The following PDGFC variants were observed in gnomAD, a reference collection of about 807,000 sequenced individuals.
The protein encoded by PDGFC is platelet-derived growth factor C.
PDGFC carries 12 observed loss-of-function variants against 35.5 expected under a neutral mutation model. That is an observed-to-expected ratio of 0.34 (90% CI 0.22 to 0.55). The LOEUF is 0.55. Among genes scored for constraint, PDGFC ranks in the 20% least tolerant of loss-of-function variants. The probability of loss-of-function intolerance (pLI) is 0.91; values close to 1 mark genes in which losing one functional copy is unlikely to be tolerated. For synonymous variants in PDGFC, 159 were observed against 148.8 expected (o/e 1.07, Z -0.50); for missense variants, 322 against 412.4 (o/e 0.78, Z 1.90).
At chr4:156,853,126 T>C (rs1729494322) in intron 1 of PDGFC, among the ~76,000 whole-genome samples, 1 of 152,258 alleles carries the variant, frequency 6.6e-6, no homozygotes, top group Non-Finnish European at 1.5e-5. Flanking sequence ...AGAAAACTAA[T>C]ACACCTTCTA....
intron 1 of PDGFC, among the ~76,000 whole-genome samples, chr4:156,941,504 T>C (rs1731805105): frequency 6.6e-6 from 1 of 152,150 alleles, no homozygotes; most frequent in South Asian, 2.1e-4. Context: ...AACAAGGTGG[T>C]TTATCATTAG....
intron 4 of PDGFC, 117 bp downstream of exon 4, chr4:156,772,569 A>G: frequency 1.6e-6 from 1 of 624,456 alleles, no homozygotes. Flanking sequence ...AAGAAAATGT[A>G]TTGAATATAT....
At chr4:156,808,374 A>G (rs1731830395) in intron 3 of PDGFC, among the ~76,000 whole-genome samples, 1 of 152,074 alleles carries the variant, frequency 6.6e-6, no homozygotes, top group Non-Finnish European at 1.5e-5. Flanking sequence ...GGCCAGTGGA[A>G]TCTAAAGTGG....
intron 2 of PDGFC, among the ~76,000 whole-genome samples, chr4:156,821,775 C>T (rs1298253100): frequency 6.6e-6 from 1 of 152,058 alleles, no homozygotes. Context: ...GTCTTGAGCT[C>T]CCGGCCTCAA....
intron 2 of PDGFC, among the ~76,000 whole-genome samples, chr4:156,843,011 C>G (rs1019956955): frequency 6.6e-6 from 1 of 152,124 alleles, no homozygotes; most frequent in Non-Finnish European, 1.5e-5. Flanking sequence ...TACAACACAC[C>G]CTCCTCTTCT....
intron 1 of PDGFC, among the ~76,000 whole-genome samples, chr4:156,942,707 ATAT>A (rs1354931752): frequency 5.4e-5 from 8 of 148,342 alleles, no homozygotes; most frequent in African/African-American, 9.8e-5. Flanking sequence ...TATAATTATA[ATAT>A]TATTATATTG....
At chr4:156,934,104 T>C (rs143431079) in intron 1 of PDGFC, among the ~76,000 whole-genome samples, 65 of 152,352 alleles carry the variant, frequency 4.3e-4, no homozygotes, top group African/African-American at 1.4e-3. Flanking sequence ...ATCACCAATA[T>C]ACAGTCATGA....
chr4:156,861,932 G>A (rs1374521028), intron 1 of PDGFC, among the ~76,000 whole-genome samples: 1 of 151,492 alleles, frequency 6.6e-6, no homozygotes, highest in African/African-American at 2.4e-5. Context: ...TCTTGTCCCA[G>A]AAACTACATA....
chr4:156,967,688 T>C (rs1732498274), intron 1 of PDGFC: 1 of 152,174 alleles, frequency 6.6e-6, no homozygotes, highest in Admixed American at 6.5e-5. Flanking sequence ...TGATTCTTTC[T>C]GCTACAACTC....
rs184032493 is a variant in PDGFC at position 156,842,433 on chromosome 4, T to G, written c.314+7788A>C. 2.0e-4 allele frequency among the ~76,000 whole-genome samples: 30 copies of G among 152,142 alleles called. No individual in the cohort carries two copies. The East Asian group carries it at 4.6e-3, about 24-fold the overall frequency. ...AATATATACCTCTAAAGTTTTGTGT[T>G]TGAGAAATAACAAAATATCTCCAAC... On this transcript the variant is annotated intron_variant, in intron 2 of 5. Transcript: ENST00000502773.
chr4:156,873,098 G>A (rs1449117421), intron 1 of PDGFC, among the ~76,000 whole-genome samples: 1 of 151,850 alleles, frequency 6.6e-6, no homozygotes, highest in African/African-American at 2.4e-5. Context: ...ACCACTGCCG[G>A]GACTACAGAG....
chr4:156,786,472 C>G (rs1318570596), intron 3 of PDGFC, among the ~76,000 whole-genome samples: 1 of 152,118 alleles, frequency 6.6e-6, no homozygotes, highest in Non-Finnish European at 1.5e-5. Flanking sequence ...GGAAGATTAT[C>G]CCATGAATAT....
intron 3 of PDGFC, among the ~76,000 whole-genome samples, chr4:156,806,999 C>T (rs1215138011): frequency 6.6e-6 from 1 of 151,098 alleles, no homozygotes; most frequent in Non-Finnish European, 1.5e-5. Context: ...CAATCTCTCA[C>T]TGCTAATCTA....
chr4:156,856,854 A>G (rs1338320186), intron 1 of PDGFC, among the ~76,000 whole-genome samples: 1 of 152,122 alleles, frequency 6.6e-6, no homozygotes, highest in African/African-American at 2.4e-5. Context: ...ATCCGTAATA[A>G]CCTACAAACA....
At chr4:156,894,591 T>C (rs1730587034) in intron 1 of PDGFC, among the ~76,000 whole-genome samples, 1 of 152,324 alleles carries the variant, frequency 6.6e-6, no homozygotes, top group Non-Finnish European at 1.5e-5. Context: ...TCAAAAATTA[T>C]GTATTCAATA....
At chr4:156,798,076 C>T (rs575955035) in intron 3 of PDGFC, among the ~76,000 whole-genome samples, 15 of 152,184 alleles carry the variant, frequency 9.9e-5, no homozygotes, top group East Asian at 3.9e-4. Flanking sequence ...CCTGTAATCC[C>T]GGCTACTCGG....
intron 3 of PDGFC, among the ~76,000 whole-genome samples, chr4:156,797,470 A>G (rs1176955427): frequency 6.6e-6 from 1 of 152,156 alleles, no homozygotes; most frequent in East Asian, 1.9e-4. Context: ...AAACAGCTGG[A>G]TTGGTCACAG....
Position 156,806,409 on chromosome 4 carries a change from C to T in PDGFC, c.495+4428G>A, listed in dbSNP as rs115349088. Among the ~76,000 whole-genome samples, 1,421 of 151,930 alleles carry T rather than the reference C, an allele frequency of 9.4e-3. 18 individuals carry two copies. The highest frequency in any genetic ancestry group is 0.031 in the African/African-American group (1,293 of 41,490). On this transcript the variant is annotated intron_variant, in intron 3 of 5. Coordinates refer to ENST00000502773, the MANE Select transcript of PDGFC (RefSeq NM_016205.3). ...TGTAAACATTATCATTACTTTGGATCAGAAACCTTAGACTAAGAGACTGAA... is the reference window on the plus strand; with the variant it reads ...TGTAAACATTATCATTACTTTGGATTAGAAACCTTAGACTAAGAGACTGAA...
intron 1 of PDGFC, among the ~76,000 whole-genome samples, chr4:156,878,422 T>G (rs1414500507): frequency 2.0e-5 from 3 of 152,296 alleles, no homozygotes; most frequent in African/African-American, 7.2e-5. Flanking sequence ...TTGTAAATTT[T>G]TATTAAAAAT....
Sources: gnomAD v4.1 joint callset for allele counts (sites outside exome capture counted in the v4.1 genomes callset) on GRCh38, gnomAD v4.1.1 for gene constraint, MANE v1.5 for transcripts, NCBI Gene and HGNC (gene_info 2026-07-23, HGNC 2026-07-21) for gene names.